SNX8: variants seen among roughly 807,000 people sequenced by gnomAD.
SNX8 encodes the protein sorting nexin 8, also known as sorting nexin-8.
A neutral mutation model predicts 51.6 loss-of-function variants in SNX8; 25 were observed. The ratio of observed to expected loss-of-function variants is 0.48; its 90% CI spans 0.35 to 0.68. The LOEUF is 0.68. SNX8 is among the 30% of genes least tolerant of loss of function. SNX8 has a pLI of 0.00. For synonymous variants in SNX8, 324 were observed against 277.0 expected (o/e 1.17, Z -1.68); for missense variants, 695 against 624.0 (o/e 1.11, Z -1.21).
intron 1 of SNX8, among the ~76,000 whole-genome samples, chr7:2,341,804 T>C (rs1345998529): frequency 1.3e-5 from 2 of 151,766 alleles, no homozygotes; most frequent in Non-Finnish European, 2.9e-5. Flanking sequence ...CTGGCCAACA[T>C]GGTGAAGCCC....
intron 1 of SNX8, among the ~76,000 whole-genome samples, chr7:2,293,750 G>T (rs1414970541): frequency 6.6e-6 from 1 of 150,632 alleles, no homozygotes; most frequent in Non-Finnish European, 1.5e-5. Context: ...GGATCACGAG[G>T]TCAGGAGTTC....
At chr7:2,301,227 C>A (rs922501772) in intron 1 of SNX8, among the ~76,000 whole-genome samples, 6 of 152,164 alleles carry the variant, frequency 3.9e-5, no homozygotes, top group Admixed American at 6.6e-5. Context: ...TGGCCAGACG[C>A]AAATCCAACA....
chr7:2,350,536 G>C (rs1046301168), intron 1 of SNX8, among the ~76,000 whole-genome samples: 2 of 152,200 alleles, frequency 1.3e-5, no homozygotes, highest in Admixed American at 1.3e-4. Context: ...GAGCGCGGTG[G>C]CTCATGCCTA....
chr7:2,333,832 G>A (rs7801680), intron 1 of SNX8, among the ~76,000 whole-genome samples: 1 of 152,104 alleles, frequency 6.6e-6, no homozygotes, highest in Non-Finnish European at 1.5e-5. Flanking sequence ...CACGTCATAG[G>A]TCTAAACATA....
intron 1 of SNX8, among the ~76,000 whole-genome samples, chr7:2,327,270 G>A (rs534586918): frequency 1.1e-3 from 165 of 152,044 alleles, no homozygotes; most frequent in South Asian, 2.1e-3. Context: ...GACAGAGTCT[G>A]GCTCTGTTGC....
intron 1 of SNX8, among the ~76,000 whole-genome samples, chr7:2,330,214 C>T (rs1488603539): frequency 2.7e-5 from 4 of 149,930 alleles, no homozygotes; most frequent in African/African-American, 9.8e-5. Flanking sequence ...CTCGGCTCAC[C>T]ACAACCTCCA....
At position 2,348,093 on chromosome 7, in the gene SNX8, C is replaced by A. The variant is rs148716204; in HGVS notation, c.-66+6129G>T. Among the ~76,000 whole-genome samples, 711 of 152,160 alleles carry A rather than the reference C, an allele frequency of 4.7e-3. 4 individuals are homozygous for A. The highest frequency in any genetic ancestry group is 0.011 in the South Asian group (54 of 4,820). On this transcript the variant is annotated intron_variant, in intron 1 of 5. Transcript: ENST00000435336. Reference sequence around the variant, plus strand: ...AGAAAGCTGCTTTTTCGGCTTCCTACTATGTAAGGAATTTAAAAAAGAAAC... The same window carrying A: ...AGAAAGCTGCTTTTTCGGCTTCCTAATATGTAAGGAATTTAAAAAAGAAAC...
intron 1 of SNX8, among the ~76,000 whole-genome samples, chr7:2,321,554 G>A (rs1331990351): frequency 6.7e-6 from 1 of 149,580 alleles, no homozygotes; most frequent in African/African-American, 2.5e-5. Context: ...AGCCTCCCAA[G>A]TAGCTGGAAT....
upstream of SNX8, chr7:2,354,443 T>C (rs1779267731): frequency 6.6e-6 from 1 of 152,232 alleles, no homozygotes; most frequent in Non-Finnish European, 1.5e-5. Context: ...GTCTCCACTC[T>C]TCCAGGGTAT....
chr7:2,313,088 A>G (rs1796690235), intron 1 of SNX8, among the ~76,000 whole-genome samples: 1 of 151,578 alleles, frequency 6.6e-6, no homozygotes. Context: ...TTTAGTAGAG[A>G]CAGGGTTTCA....
intron 2 of SNX8, among the ~76,000 whole-genome samples, chr7:2,276,464 C>G (rs1035483842): frequency 3.3e-5 from 5 of 152,152 alleles, no homozygotes; most frequent in African/African-American, 9.6e-5. Flanking sequence ...CTCTGGAACA[C>G]AGTGAAGCAC....
At chr7:2,321,288 C>G (rs1315145826) in intron 1 of SNX8, among the ~76,000 whole-genome samples, 2 of 152,160 alleles carry the variant, frequency 1.3e-5, no homozygotes, top group Non-Finnish European at 2.9e-5. Context: ...CTTCATACAT[C>G]GTCAGCTCCG....
chr7:2,307,325 C>G (rs948471043), intron 1 of SNX8, among the ~76,000 whole-genome samples: 2 of 151,742 alleles, frequency 1.3e-5, no homozygotes, highest in African/African-American at 4.8e-5. Context: ...CGTGGCCGCG[C>G]TCCAGTTTCT....
chr7:2,332,322 C>T (rs1029998490), intron 1 of SNX8, among the ~76,000 whole-genome samples: 2 of 151,932 alleles, frequency 1.3e-5, no homozygotes, highest in Admixed American at 6.6e-5. Context: ...CATATTAGGA[C>T]GTCAGCTCTT....
intron 1 of SNX8, among the ~76,000 whole-genome samples, chr7:2,303,926 C>G (rs1047590860): frequency 6.7e-6 from 1 of 148,312 alleles, no homozygotes; most frequent in Admixed American, 6.8e-5. Context: ...TCCCCCTCTG[C>G]GAGAAACACA....
intron 1 of SNX8, among the ~76,000 whole-genome samples, chr7:2,284,848 T>G (rs188933492): frequency 2.6e-5 from 4 of 152,266 alleles, no homozygotes; most frequent in African/African-American, 9.6e-5. Context: ...CATAAACACT[T>G]TCTACCCTGG....
At position 2,278,308 on chromosome 7, in the gene SNX8, G is replaced by A; in HGVS notation, c.95-3C>T. 1 of 1,523,336 alleles carries A rather than the reference G, an allele frequency of 6.6e-7. No homozygotes were observed. The highest frequency in any genetic ancestry group is 9.0e-7 in the Non-Finnish European group (1 of 1,111,912). 94.4% of individuals were successfully genotyped at this position (1,523,336 alleles called of 1,614,324 possible). ...GATGGCCTGGGGTGTCGGCAGATCTGCAGGGGAGATGGTGAATGACCAGTG... is the reference window on the plus strand; with the variant it reads ...GATGGCCTGGGGTGTCGGCAGATCTACAGGGGAGATGGTGAATGACCAGTG... On this transcript the variant is annotated splice_region_variant and splice_polypyrimidine_tract_variant and intron_variant, in intron 1 of 10. Coordinates refer to ENST00000222990, the MANE Select transcript of SNX8 (RefSeq NM_013321.4).
At chr7:2,309,579 A>G (rs766958002) in intron 1 of SNX8, among the ~76,000 whole-genome samples, 76 of 152,048 alleles carry the variant, frequency 5.0e-4, no homozygotes, top group Non-Finnish European at 6.3e-4. Context: ...TGAAAATACA[A>G]AATTAGCCAG....
At chr7:2,281,420 A>G (rs1353569186) in intron 1 of SNX8, among the ~76,000 whole-genome samples, 2 of 151,808 alleles carry the variant, frequency 1.3e-5, no homozygotes, top group East Asian at 1.9e-4. Flanking sequence ...CCCTGTCTAT[A>G]AAAACAAAAA....
Sources: gnomAD v4.1 joint callset for allele counts (sites outside exome capture counted in the v4.1 genomes callset) on GRCh38, gnomAD v4.1.1 for gene constraint, MANE v1.5 for transcripts, NCBI Gene and HGNC (gene_info 2026-07-23, HGNC 2026-07-21) for gene names.